Variants in PRP4K observed in about 807,000 individuals in gnomAD.
PRP4K encodes the protein serine/threonine-protein kinase PRP4 homolog.
the PRP4K span, chr6:4,021,366 C>T: frequency 5.2e-6 from 8 of 1,551,866 alleles, no homozygotes; most frequent in African/African-American, 5.5e-5. Flanking sequence ...CCTCCACTTC[C>T]CCTACCCTCC....
At chr6:4,042,846 A>G in the PRP4K span, among the ~76,000 whole-genome samples, 1 of 152,190 alleles carries the variant, frequency 6.6e-6, no homozygotes, top group African/African-American at 2.4e-5. Flanking sequence ...TTTCTTTTTA[A>G]GTTAATGAAC....
the PRP4K span, among the ~76,000 whole-genome samples, chr6:4,034,804 C>A: frequency 6.6e-6 from 1 of 151,830 alleles, no homozygotes; most frequent in Non-Finnish European, 1.5e-5. Flanking sequence ...CCTCTGCCTC[C>A]TGGGTTCAAG....
At chr6:4,057,139 C>T in the PRP4K span, 1 of 1,613,430 alleles carries the variant, frequency 6.2e-7, no homozygotes, top group Non-Finnish European at 8.5e-7. Context: ...AAACCAATAA[C>T]CATATGCTGA....
chr6:4,040,770 A>G, the PRP4K span: 1 of 1,612,144 alleles, frequency 6.2e-7, no homozygotes, highest in Non-Finnish European at 8.5e-7. Flanking sequence ...TTCTTTAAAT[A>G]GGGACAGAGG....
the PRP4K span, chr6:4,047,036 T>G: frequency 1.4e-6 from 1 of 690,550 alleles, no homozygotes; most frequent in Non-Finnish European, 2.6e-6. Flanking sequence ...ATAAAGTGAT[T>G]CTAAATTGAA....
the PRP4K span, chr6:4,031,810 C>T: frequency 2.5e-6 from 4 of 1,613,780 alleles, no homozygotes; most frequent in Non-Finnish European, 3.4e-6. Flanking sequence ...GCAAAAAGAA[C>T]TAAACTTGAT....
the PRP4K span, among the ~76,000 whole-genome samples, chr6:4,046,653 CT>C: frequency 4.7e-5 from 7 of 149,764 alleles, no homozygotes; most frequent in African/African-American, 1.7e-4. Flanking sequence ...AACATTGGGT[CT>C]TTCAACTTTT....
the PRP4K span, among the ~76,000 whole-genome samples, chr6:4,045,654 A>T: frequency 6.6e-6 from 1 of 152,342 alleles, no homozygotes; most frequent in Admixed American, 6.5e-5. Context: ...AGTTCTTAAC[A>T]TGATTACAGA....
At chr6:4,022,694 T>G in the PRP4K span, among the ~76,000 whole-genome samples, 1 of 152,222 alleles carries the variant, frequency 6.6e-6, no homozygotes, top group Admixed American at 6.5e-5. Context: ...TCAAAACTGC[T>G]GTATTATTTT....
the PRP4K span, among the ~76,000 whole-genome samples, chr6:4,026,316 T>G: frequency 6.8e-6 from 1 of 146,028 alleles, no homozygotes; most frequent in Middle Eastern, 4.2e-3. Flanking sequence ...TTTTTTTTTT[T>G]TTTGGAGACA....
the PRP4K span, among the ~76,000 whole-genome samples, chr6:4,034,524 T>A: frequency 2.4e-4 from 37 of 152,256 alleles, no homozygotes; most frequent in Non-Finnish European, 5.0e-4. Context: ...CTTCTATGAC[T>A]ATGTGAACTG....
chr6:4,063,255 G>C, the PRP4K span: 1 of 152,104 alleles, frequency 6.6e-6, no homozygotes, highest in Non-Finnish European at 1.5e-5. Context: ...GAGTGCGTCT[G>C]TAAAGTGCTT....
At chr6:4,025,266 C>T in the PRP4K span, among the ~76,000 whole-genome samples, 1 of 152,090 alleles carries the variant, frequency 6.6e-6, no homozygotes, top group Admixed American at 6.6e-5. Context: ...TCCAAGAGGG[C>T]CGTTAGGTTT....
chr6:4,023,064 T>C, the PRP4K span, among the ~76,000 whole-genome samples: 1 of 152,210 alleles, frequency 6.6e-6, no homozygotes, highest in African/African-American at 2.4e-5. Context: ...CACAGAGCAC[T>C]TGGTGTAAAT....
chr6:4,046,953 C>T, the PRP4K span, among the ~76,000 whole-genome samples: 7 of 152,164 alleles, frequency 4.6e-5, no homozygotes, highest in Non-Finnish European at 8.8e-5. Context: ...CCACCATGCC[C>T]GGCCGGTCTT....
the PRP4K span, chr6:4,040,766 A>T: frequency 6.2e-7 from 1 of 1,611,692 alleles, no homozygotes; most frequent in South Asian, 1.1e-5. Context: ...TTTCTTCTTT[A>T]AATAGGGACA....
chr6:4,031,254 G>C, the PRP4K span, among the ~76,000 whole-genome samples: 1 of 152,170 alleles, frequency 6.6e-6, no homozygotes, highest in Non-Finnish European at 1.5e-5. Context: ...AGGTTTTGCT[G>C]TGCCTGGTTT....
the PRP4K span, chr6:4,060,387 A>T: frequency 6.3e-7 from 1 of 1,593,430 alleles, no homozygotes; most frequent in South Asian, 1.1e-5. This position sits in a 1 kb window ranked among gnomAD's most constrained non-coding sequence, Gnocchi z 4.7. Flanking sequence ...TTATTTAGAG[A>T]TACGCATTTT....
the PRP4K span, among the ~76,000 whole-genome samples, chr6:4,053,587 A>C: frequency 6.6e-6 from 1 of 152,092 alleles, no homozygotes; most frequent in African/African-American, 2.4e-5. Flanking sequence ...ATATGTTTTT[A>C]AAATTTTGAA....
Sources: allele counts gnomAD v4.1 joint callset (sites outside exome capture counted in the v4.1 genomes callset), GRCh38; gene constraint gnomAD v4.1.1; non-coding constraint Gnocchi (gnomAD v3.1); transcripts MANE v1.5; gene names NCBI Gene and HGNC (gene_info 2026-07-23, HGNC 2026-07-21).